Variants in COL3A1 observed in about 807,000 individuals in gnomAD.
COL3A1 encodes collagen alpha-1(III) chain.
COL3A1 carries 46 observed loss-of-function variants against 200.9 expected under a neutral mutation model. The observed-to-expected ratio is 0.23, with a 90% CI of 0.18 to 0.29. The LOEUF is 0.29. Among genes scored for constraint, COL3A1 ranks in the 10% least tolerant of loss-of-function variants. The pLI is 1.00. For synonymous variants in COL3A1, 650 were observed against 628.0 expected (o/e 1.03, Z -0.52); for missense variants, 1,367 against 1,917.6 (o/e 0.71, Z 5.36).
rs1236987011 is a variant in COL3A1, at chr2:188,999,226, G to C, written c.2023-59G>C. 3 of 1,451,050 alleles carry C rather than the reference G, an allele frequency of 2.1e-6. No homozygotes were observed. The African/African-American group carries it at 4.2e-5, about 20-fold the overall frequency. 89.9% of individuals were successfully genotyped at this position (1,451,050 alleles called of 1,614,324 possible). Reference sequence around the variant, plus strand: ...CCTGATTCAAAATGATGCAAGTTAAGGTGCTTTGTTTTTAGCTTTGGGTTG... The same window carrying C: ...CCTGATTCAAAATGATGCAAGTTAACGTGCTTTGTTTTTAGCTTTGGGTTG... On this transcript the variant is annotated intron_variant, in intron 29 of 50. Coordinates refer to ENST00000304636, the MANE Select transcript of COL3A1 (RefSeq NM_000090.4).
rs767076614 is a variant in COL3A1 at position 189,009,236 on chromosome 2, C to T, written c.3823+15C>T. 4.3e-6 allele frequency: 7 copies of T among 1,613,894 alleles called. No individual in the cohort carries two copies. The highest frequency in any genetic ancestry group is 5.9e-6 in the Non-Finnish European group (7 of 1,179,978). ...ACTCAAGAGTGGTATGTTTGGTAGT[C>T]TTTCATCTTCATGGCAATAGGATTA... On this transcript the variant is annotated intron_variant, in intron 48 of 50. Transcript: ENST00000304636.
At chr2:188,998,751 G>A in intron 29 of COL3A1, 33 bp downstream of exon 29, 1 of 1,599,372 alleles carries the variant, frequency 6.3e-7, no homozygotes, top group Non-Finnish European at 8.6e-7. Flanking sequence ...ACCTTCTTCA[G>A]CAGGTTATAG....
chr2:188,988,232 C>A (rs904681837), intron 6 of COL3A1, 98 bp downstream of exon 6: 1 of 1,040,972 alleles, frequency 9.6e-7, no homozygotes, highest in Non-Finnish European at 1.5e-6. Flanking sequence ...ATGCATAATC[C>A]CAGTTAACTA....
Position 188,989,967 on chromosome 2 carries a change from A to C in COL3A1, c.691-129A>C. 8.4e-6 allele frequency: 7 copies of C among 832,520 alleles called. No individual in the cohort carries two copies. The South Asian group carries it at 9.8e-5, about 12-fold the overall frequency. 51.6% of individuals were successfully genotyped at this position (832,520 alleles called of 1,614,324 possible). A position where few individuals can be genotyped will look rare whatever the true frequency, so the allele number is the denominator to read the frequency against. On this transcript the variant is annotated intron_variant, in intron 8 of 50. Transcript: ENST00000304636. ...CCTTCTACCAAGAAAGCTGATCTCA[A>C]CTATACATTTTGTGGAACCATTTTA... is the stretch of plus-strand genomic sequence containing the variant.
rs1688133333 is a variant in COL3A1, at chr2:188,989,465, T to C, written c.690+16T>C. On this transcript the variant is annotated intron_variant, in intron 8 of 50. Coordinates refer to ENST00000304636, the MANE Select transcript of COL3A1 (RefSeq NM_000090.4). The stretch of plus-strand genomic sequence containing the variant: ...TGGAAAAGATGTAAGTTTTTAAAAC[T>C]TAAATAAGAATACAGCAAAATTTAA... 4 of 1,597,694 alleles carry C rather than the reference T, an allele frequency of 2.5e-6. No homozygotes were observed. In the African/African-American group the frequency reaches 4.0e-5, roughly 16 times the overall value.
intron 37 of COL3A1, 89 bp from the exon 38 acceptor site, chr2:189,003,645 T>C: frequency 1.4e-6 from 2 of 1,455,430 alleles, no homozygotes; most frequent in East Asian, 4.5e-5. Context: ...TCAGGTACAA[T>C]GCAGATCATG....
At chr2:188,999,435 C>T (rs764564423) in intron 30 of COL3A1, 35 bp from the exon 31 acceptor site, 2 of 1,613,922 alleles carry the variant, frequency 1.2e-6, no homozygotes, top group South Asian at 2.2e-5. Flanking sequence ...ATTTGATTTC[C>T]TTCTGATCAT....
At chr2:189,003,583 A>C (rs1429983683) in intron 37 of COL3A1, 119 bp downstream of exon 37, 3 of 1,330,902 alleles carry the variant, frequency 2.3e-6, no homozygotes, top group Non-Finnish European at 3.2e-6. Flanking sequence ...TCGCTCATTC[A>C]TACATGAGTT....
chr2:188,997,028 AC>A, intron 24 of COL3A1, 136 bp from the exon 25 acceptor site: 1 of 194,064 alleles, frequency 5.2e-6, no homozygotes. Context: ...TATATATGAG[AC>A]ATATATATAT....
At chr2:188,995,884 G>A (rs1306417842) in intron 22 of COL3A1, 94 bp downstream of exon 22, 2 of 1,158,690 alleles carry the variant, frequency 1.7e-6, no homozygotes, top group African/African-American at 3.1e-5. Flanking sequence ...AAATCAATCA[G>A]ATTACATATT....
At chr2:188,975,437 A>G (rs193084846) in intron 1 of COL3A1, among the ~76,000 whole-genome samples, 7 of 152,196 alleles carry the variant, frequency 4.6e-5, no homozygotes, top group Non-Finnish European at 1.0e-4. Context: ...ATGTGAAAAT[A>G]TTCTTTTATT....
At chr2:189,002,854 C>A (rs750284340) in intron 35 of COL3A1, 101 bp from the exon 36 acceptor site, 3 of 916,742 alleles carry the variant, frequency 3.3e-6, no homozygotes, top group Non-Finnish European at 5.2e-6. Context: ...TATTTCAACT[C>A]CTTCCATCTG....
At chr2:188,984,163 A>G (rs2153501275) in intron 1 of COL3A1, among the ~76,000 whole-genome samples, 1 of 152,160 alleles carries the variant, frequency 6.6e-6, no homozygotes, top group East Asian at 1.9e-4. Context: ...TATACAATAT[A>G]TTATGTCATA....
Position 189,005,340 on chromosome 2 carries a change from T to C in COL3A1, c.2932-10T>C. 1 of 1,610,198 alleles carries C rather than the reference T, an allele frequency of 6.2e-7. No individual in the cohort carries two copies. Among genetic ancestry groups the C allele is most frequent in the Admixed American group, 1.7e-5 (1 of 60,016 alleles). Reference sequence around the variant, plus strand: ...TTGAAACAAAATGTTTTTCATTCCTTTGTATACAGGGTGAAAGTGGGAAAC... The same window carrying C: ...TTGAAACAAAATGTTTTTCATTCCTCTGTATACAGGGTGAAAGTGGGAAAC... On this transcript the variant is annotated splice_polypyrimidine_tract_variant and intron_variant, in intron 40 of 50. Transcript: ENST00000304636.
At chr2:189,001,886 C>A (rs911359901) in intron 34 of COL3A1, among the ~76,000 whole-genome samples, 5 of 152,146 alleles carry the variant, frequency 3.3e-5, no homozygotes, top group Non-Finnish European at 5.9e-5. Flanking sequence ...CCTATAGAAT[C>A]TTTGCCTGAG....
chr2:188,990,470 A>C (rs1251246750), intron 10 of COL3A1, 110 bp downstream of exon 10: 2 of 921,242 alleles, frequency 2.2e-6, no homozygotes, highest in African/African-American at 3.3e-5. Flanking sequence ...CTGACAATTA[A>C]TTAATTTGAT....
chr2:188,980,573 A>C (rs1269506400), intron 1 of COL3A1, among the ~76,000 whole-genome samples: 1 of 148,650 alleles, frequency 6.7e-6, no homozygotes, highest in South Asian at 2.1e-4. Context: ...TACAAATGAT[A>C]ATTTATCAAC....
chr2:189,003,910 AAGT>A, intron 38 of COL3A1, 69 bp from the exon 39 acceptor site: 1 of 1,567,914 alleles, frequency 6.4e-7, no homozygotes, highest in Non-Finnish European at 8.7e-7. Flanking sequence ...AAATTATTTG[AAGT>A]AAGTAAAAAA....
Position 188,994,034 on chromosome 2 carries a change from T to G in COL3A1, c.1150-4T>G, listed in dbSNP as rs756350810. 35 of 1,613,764 alleles carry G rather than the reference T, an allele frequency of 2.2e-5. No homozygotes were observed. The South Asian group carries it at 3.6e-4, about 17-fold the overall frequency. On this transcript the variant is annotated splice_region_variant and splice_polypyrimidine_tract_variant and intron_variant, in intron 16 of 50. Coordinates refer to ENST00000304636, the MANE Select transcript of COL3A1 (RefSeq NM_000090.4). This position sits in a 1 kb window ranked among gnomAD's most constrained non-coding sequence, Gnocchi z 4.5. ...AATACATTATCTGTTTTTTGTATAC[T>G]TAGGGCCCTCCTGGGATTAATGGTA...
Sources: gnomAD v4.1 joint callset for allele counts (sites outside exome capture counted in the v4.1 genomes callset) on GRCh38, gnomAD v4.1.1 for gene constraint, Gnocchi (gnomAD v3.1) non-coding constraint, MANE v1.5 for transcripts, NCBI Gene and HGNC (gene_info 2026-07-23, HGNC 2026-07-21) for gene names.